PACSIN2: variants seen among roughly 807,000 people sequenced by gnomAD.
PACSIN2 encodes the protein protein kinase C and casein kinase substrate in neurons 2, also known as protein kinase C and casein kinase substrate in neurons protein 2.
PACSIN2 carries 25 observed loss-of-function variants against 63.8 expected under a neutral mutation model. The ratio of observed to expected loss-of-function variants is 0.39; its 90% confidence interval spans 0.29 to 0.55. The LOEUF (loss-of-function observed/expected upper bound fraction) is 0.55. Ranked by LOEUF, PACSIN2 falls within the 20% of genes least tolerant of loss-of-function variation. The probability of loss-of-function intolerance (pLI) is 0.62; values close to 1 mark genes in which losing one functional copy is unlikely to be tolerated. For missense variants in PACSIN2, 518 were observed against 646.9 expected (o/e 0.80, Z 2.16); for synonymous variants, 255 against 256.2 (o/e 1.00, Z 0.05).
chr22:42,990,746 C>A (rs1922985451), intron 1 of PACSIN2, among the ~76,000 whole-genome samples: 1 of 152,112 alleles, frequency 6.6e-6, no homozygotes, highest in Non-Finnish European at 1.5e-5. Context: ...GAGAACCACT[C>A]AAGAATTTTA....
chr22:42,968,923 A>T (rs1921035361), intron 1 of PACSIN2, among the ~76,000 whole-genome samples: 1 of 152,096 alleles, frequency 6.6e-6, no homozygotes. Context: ...TCAAATGTGG[A>T]CTGAGCCCCA....
chr22:42,948,100 G>A (rs1012914558), intron 1 of PACSIN2, among the ~76,000 whole-genome samples: 4 of 152,330 alleles, frequency 2.6e-5, no homozygotes, highest in Middle Eastern at 3.4e-3. Flanking sequence ...GAGCAGCAAG[G>A]AAAGGCATCC....
intron 1 of PACSIN2, among the ~76,000 whole-genome samples, chr22:43,007,587 C>G (rs1287611734): frequency 1.3e-5 from 2 of 152,180 alleles, no homozygotes; most frequent in Admixed American, 1.3e-4. Context: ...TGGAGAGCAC[C>G]TGTGGCTCTG....
intron 7 of PACSIN2, among the ~76,000 whole-genome samples, chr22:42,879,969 G>A (rs1043032490): frequency 6.6e-6 from 1 of 152,160 alleles, no homozygotes; most frequent in Non-Finnish European, 1.5e-5. Context: ...CTCGGGTGGC[G>A]AACTGGCTTC....
intron 2 of PACSIN2, among the ~76,000 whole-genome samples, chr22:42,894,020 T>C (rs1930108175): frequency 6.6e-6 from 1 of 152,158 alleles, no homozygotes; most frequent in Admixed American, 6.5e-5. Flanking sequence ...TCATCCATCA[T>C]GTGCTGGGTT....
chr22:42,945,035 T>C (rs910765285), intron 1 of PACSIN2, among the ~76,000 whole-genome samples: 5 of 149,664 alleles, frequency 3.3e-5, no homozygotes, highest in African/African-American at 9.9e-5. Flanking sequence ...GAGGCAGAGG[T>C]TGCGGTGAGC....
At chr22:43,013,492 G>A (rs2146935783) in intron 1 of PACSIN2, among the ~76,000 whole-genome samples, 1 of 152,320 alleles carries the variant, frequency 6.6e-6, no homozygotes, top group East Asian at 1.9e-4. Context: ...AGTTGCACTG[G>A]CACAGCTTCA....
At chr22:42,890,101 A>C (rs1006054727) in intron 4 of PACSIN2, among the ~76,000 whole-genome samples, 1 of 151,002 alleles carries the variant, frequency 6.6e-6, no homozygotes, top group East Asian at 2.0e-4. Flanking sequence ...TCCTGGGTTC[A>C]AGTGATTCTC....
At chr22:42,901,674 C>T (rs7285844) in intron 2 of PACSIN2, among the ~76,000 whole-genome samples, 62,687 of 151,920 alleles carry the variant, frequency 0.41, 13,633 homozygotes, top group Non-Finnish European at 0.48. Context: ...CCTGCCACGG[C>T]GATCGCCTGA....
In PACSIN2 at chr22:42,871,676, C is replaced by T. The variant is rs771154462; in HGVS notation, c.1349-207G>A. ...GGGCCTCTGACAGACCTAGAGATGA[C>T]AGTCTCACACAGTAATTTGGAACAA... On this transcript the variant is annotated intron_variant, in intron 10 of 10. Coordinates refer to ENST00000263246, the MANE Select transcript of PACSIN2 (RefSeq NM_001184970.3). This position sits in a 1 kb window ranked among gnomAD's most constrained non-coding sequence, Gnocchi z 5.4. Among the ~76,000 whole-genome samples the T allele has an allele frequency of 4.3e-4, 65 of 152,188 alleles. No homozygotes were observed. Among genetic ancestry groups the T allele is most frequent in the Non-Finnish European group, 7.6e-4 (52 of 68,032 alleles).
chr22:43,004,696 A>G (rs1251839678), intron 1 of PACSIN2, among the ~76,000 whole-genome samples: 1 of 152,246 alleles, frequency 6.6e-6, no homozygotes, highest in Non-Finnish European at 1.5e-5. Flanking sequence ...TTTGGGTATC[A>G]CTTTACATTA....
At chr22:42,884,613 G>T in intron 5 of PACSIN2, 52 bp from the exon 6 acceptor site, 1 of 1,493,532 alleles carries the variant, frequency 6.7e-7, no homozygotes, top group Non-Finnish European at 9.2e-7. Flanking sequence ...TTAGCCCTTG[G>T]CTCACCCTGC....
chr22:42,982,176 G>A (rs1922218254), intron 1 of PACSIN2, among the ~76,000 whole-genome samples: 2 of 111,652 alleles, frequency 1.8e-5, no homozygotes, highest in African/African-American at 7.4e-5. Flanking sequence ...GGTGAGGGGC[G>A]CCTCTGCCCG....
At chr22:42,937,544 T>C (rs1469080090) in intron 1 of PACSIN2, among the ~76,000 whole-genome samples, 1 of 152,122 alleles carries the variant, frequency 6.6e-6, no homozygotes, top group Non-Finnish European at 1.5e-5. Context: ...ATCACCAAGG[T>C]TGTGTGCAGT....
chr22:42,998,668 C>T (rs73889015), intron 1 of PACSIN2, among the ~76,000 whole-genome samples: 3,934 of 152,230 alleles, frequency 0.026, 172 homozygotes, highest in African/African-American at 0.091. Context: ...GATACAAACA[C>T]GAGGCAGAAG....
intron 1 of PACSIN2, among the ~76,000 whole-genome samples, chr22:42,987,635 G>A (rs1922729147): frequency 1.4e-5 from 2 of 144,482 alleles, no homozygotes; most frequent in East Asian, 2.3e-4. Flanking sequence ...GGGTTCAAGC[G>A]ATTCTCCTGC....
intron 1 of PACSIN2, among the ~76,000 whole-genome samples, chr22:42,971,760 G>T (rs1184007003): frequency 6.6e-6 from 1 of 151,262 alleles, no homozygotes; most frequent in Non-Finnish European, 1.5e-5. Context: ...GGAGGTGGGG[G>T]GTAGCCCCCG....
chr22:42,973,069 A>G lies in PACSIN2; in HGVS notation c.-78+41952T>C, dbSNP rs372238878. Among the ~76,000 whole-genome samples, 15 of 152,348 alleles carry G rather than the reference A, an allele frequency of 9.8e-5. No homozygotes were observed. The East Asian group carries it at 2.1e-3, about 22-fold the overall frequency. On this transcript the variant is annotated intron_variant, in intron 1 of 10. Coordinates refer to ENST00000263246, the MANE Select transcript of PACSIN2 (RefSeq NM_001184970.3). Reference sequence around the variant, plus strand: ...GTAAGAACTTTGACAGGGCAGTCATATATCTGCCCACATACTGCAGCAAAC... The same window carrying G: ...GTAAGAACTTTGACAGGGCAGTCATGTATCTGCCCACATACTGCAGCAAAC...
intron 1 of PACSIN2, among the ~76,000 whole-genome samples, chr22:42,966,922 AT>A (rs899944213): frequency 1.2e-4 from 18 of 152,170 alleles, no homozygotes; most frequent in Non-Finnish European, 1.8e-4. Context: ...TATCGGTGTG[AT>A]TTTTTTCCCC....
Sources: gnomAD v4.1 joint callset for allele counts (sites outside exome capture counted in the v4.1 genomes callset) on GRCh38, gnomAD v4.1.1 for gene constraint, Gnocchi (gnomAD v3.1) non-coding constraint, MANE v1.5 for transcripts, NCBI Gene and HGNC (gene_info 2026-07-23, HGNC 2026-07-21) for gene names.